Variants in KCNIP4 observed in about 807,000 individuals in gnomAD.
KCNIP4 encodes the protein potassium voltage-gated channel interacting protein 4.
KCNIP4 carries 12 observed loss-of-function variants against 34.0 expected under a neutral mutation model. The observed-to-expected ratio is 0.35, with a 90% CI of 0.23 to 0.57. The LOEUF (loss-of-function observed/expected upper bound fraction) is 0.57, where lower values mean the gene tolerates loss of function less well. Ranked by LOEUF, KCNIP4 falls within the 20% of genes least tolerant of loss-of-function variation. The probability of loss-of-function intolerance (pLI) is 0.83; values close to 1 mark genes in which losing one functional copy is unlikely to be tolerated. For missense variants in KCNIP4, 238 were observed against 311.7 expected, an observed-to-expected ratio of 0.76 and a Z score of 1.78; for synonymous variants, 124 against 102.2, an observed-to-expected ratio of 1.21 and a Z score of -1.29.
chr4:20,986,547 T>C (rs1736595602), intron 1 of KCNIP4, among the ~76,000 whole-genome samples: 1 of 152,216 alleles, frequency 6.6e-6, no homozygotes, highest in South Asian at 2.1e-4. Context: ...CTTTTAATCC[T>C]ATATCATACC....
At chr4:20,955,460 G>T (rs183132927) in intron 1 of KCNIP4, among the ~76,000 whole-genome samples, 1 of 152,248 alleles carries the variant, frequency 6.6e-6, no homozygotes, top group East Asian at 1.9e-4. Context: ...GTCTGCCCTT[G>T]TGTGGTTCCC....
chr4:21,092,447 G>T (rs1403963554), intron 1 of KCNIP4, among the ~76,000 whole-genome samples: 4 of 152,144 alleles, frequency 2.6e-5, no homozygotes, highest in Admixed American at 2.6e-4. Flanking sequence ...ACCCAGAGTG[G>T]TCAATATTGC....
chr4:20,799,408 C>A (rs1344287980), intron 3 of KCNIP4, among the ~76,000 whole-genome samples: 1 of 152,184 alleles, frequency 6.6e-6, no homozygotes. Flanking sequence ...CCCCACTAAC[C>A]CACATAGCCA....
intron 1 of KCNIP4, among the ~76,000 whole-genome samples, chr4:21,375,976 AAC>A (rs1720928815): frequency 6.6e-6 from 1 of 152,208 alleles, no homozygotes; most frequent in South Asian, 2.1e-4. Context: ...GAATTTCAGA[AAC>A]ACACCAGGAA....
chr4:21,660,918 C>T (rs972777397), intron 1 of KCNIP4, among the ~76,000 whole-genome samples: 2 of 152,146 alleles, frequency 1.3e-5, no homozygotes, highest in African/African-American at 2.4e-5. Context: ...ACCCTCAAGC[C>T]TGGAAACTTG....
At chr4:21,511,914 T>C (rs1444217959) in intron 1 of KCNIP4, among the ~76,000 whole-genome samples, 1 of 151,582 alleles carries the variant, frequency 6.6e-6, no homozygotes, top group Non-Finnish European at 1.5e-5. Flanking sequence ...AATAATACCA[T>C]CCAGCATAAT....
intron 1 of KCNIP4, among the ~76,000 whole-genome samples, chr4:21,600,007 C>T (rs1503982): frequency 0.7 from 105,903 of 151,858 alleles, 37,514 homozygotes; most frequent in East Asian, 0.9. Flanking sequence ...AGCGATTCTG[C>T]TGCAGGTGGT....
At chr4:21,574,044 A>G (rs1740551862) in intron 1 of KCNIP4, among the ~76,000 whole-genome samples, 1 of 152,020 alleles carries the variant, frequency 6.6e-6, no homozygotes, top group African/African-American at 2.4e-5. Context: ...CACTCTCCCA[A>G]CTCAGGCTGC....
chr4:21,062,322 T>C (rs1325354510), intron 1 of KCNIP4, among the ~76,000 whole-genome samples: 4 of 152,086 alleles, frequency 2.6e-5, no homozygotes. Context: ...CAGTGATAGG[T>C]TAAATGGTGT....
intron 1 of KCNIP4, among the ~76,000 whole-genome samples, chr4:21,538,152 C>T (rs914820834): frequency 3.3e-5 from 5 of 151,692 alleles, no homozygotes; most frequent in African/African-American, 9.7e-5. Flanking sequence ...AGGATTACCA[C>T]CAACCATCAG....
intron 1 of KCNIP4, among the ~76,000 whole-genome samples, chr4:21,142,594 G>A (rs566426883): frequency 9.2e-5 from 14 of 152,248 alleles, no homozygotes; most frequent in African/African-American, 3.4e-4. Flanking sequence ...CTGGATGTGT[G>A]AGCTGTACTT....
At chr4:21,224,646 G>A (rs1187095136) in intron 1 of KCNIP4, among the ~76,000 whole-genome samples, 1 of 131,798 alleles carries the variant, frequency 7.6e-6, no homozygotes, top group East Asian at 2.2e-4. Context: ...GAGTGCAATG[G>A]TGCCATCTCA....
At chr4:21,689,426 C>T (rs1388634090) in intron 1 of KCNIP4, among the ~76,000 whole-genome samples, 2 of 152,072 alleles carry the variant, frequency 1.3e-5, no homozygotes, top group East Asian at 3.9e-4. Context: ...TGCGATGACC[C>T]AGCTTAGAGG....
In KCNIP4 at chr4:20,962,339, A is replaced by T. The variant is rs1577443045; in HGVS notation, c.62-79630T>A. Among the ~76,000 whole-genome samples the T allele has an allele frequency of 3.3e-5, 5 of 152,324 alleles. No individual in the cohort carries two copies. The South Asian group carries it at 1.0e-3, about 32-fold the overall frequency. ...CCGACTGGGAGGCTGAGTCTGCCTA[A>T]TTGTGGACCTAACCTGCAGGTTCTT... On this transcript the variant is annotated intron_variant, in intron 1 of 8. Coordinates refer to ENST00000382152, the MANE Select transcript of KCNIP4 (RefSeq NM_025221.6).
At chr4:20,948,174 A>G (rs1160819004) in intron 1 of KCNIP4, among the ~76,000 whole-genome samples, 3 of 152,210 alleles carry the variant, frequency 2.0e-5, no homozygotes, top group Admixed American at 2.0e-4. Flanking sequence ...GACCTTATTC[A>G]TTTGCAATAT....
At chr4:21,295,091 T>A (rs2109221977) in intron 1 of KCNIP4, among the ~76,000 whole-genome samples, 1 of 152,156 alleles carries the variant, frequency 6.6e-6, no homozygotes, top group South Asian at 2.1e-4. Context: ...ATTATAAGTG[T>A]GGTATATATC....
At chr4:20,999,411 G>A (rs1216719655) in intron 1 of KCNIP4, among the ~76,000 whole-genome samples, 1 of 94,370 alleles carries the variant, frequency 1.1e-5, no homozygotes, top group Non-Finnish European at 2.2e-5. Context: ...TTGTTGTGGT[G>A]GTGTTTTTTT....
intron 1 of KCNIP4, among the ~76,000 whole-genome samples, chr4:21,801,042 T>C (rs1047156829): frequency 6.6e-6 from 1 of 152,142 alleles, no homozygotes; most frequent in Non-Finnish European, 1.5e-5. Context: ...GAGGACATCT[T>C]CTCAGAAAAA....
chr4:21,430,859 T>C (rs1476532577), intron 1 of KCNIP4, among the ~76,000 whole-genome samples: 3 of 151,882 alleles, frequency 2.0e-5, no homozygotes, highest in South Asian at 2.1e-4. Flanking sequence ...AATTGGATCA[T>C]GGAATACGAG....
Sources: allele counts gnomAD v4.1 joint callset (sites outside exome capture counted in the v4.1 genomes callset), GRCh38; gene constraint gnomAD v4.1.1; transcripts MANE v1.5; gene names NCBI Gene and HGNC (gene_info 2026-07-23, HGNC 2026-07-21).